The following PIK3C2A variants were observed in gnomAD, a reference collection of about 807,000 sequenced individuals.
PIK3C2A encodes the protein phosphatidylinositol-4-phosphate 3-kinase catalytic subunit type 2 alpha.
In PIK3C2A, 97 loss-of-function variants were observed where a neutral mutation model predicts 204.5. The observed-to-expected ratio is 0.47, with a 90% confidence interval of 0.40 to 0.56. The LOEUF (loss-of-function observed/expected upper bound fraction) is 0.56. Ranked by LOEUF, PIK3C2A falls within the 20% of genes least tolerant of loss-of-function variation. The pLI, the probability that PIK3C2A is intolerant of heterozygous loss-of-function variation, is 0.00. For synonymous variants in PIK3C2A, 653 were observed against 664.4 expected, an observed-to-expected ratio of 0.98 and a Z score of 0.26; for missense variants, 1,735 against 1,969.2, an observed-to-expected ratio of 0.88 and a Z score of 2.25.
chr11:17,091,721 T>C (rs1848316024), intron 30 of PIK3C2A, 65 bp from the exon 31 acceptor site: 1 of 1,104,742 alleles, frequency 9.1e-7, no homozygotes, highest in Admixed American at 2.2e-5. Context: ...AATAAAAGGA[T>C]TTTGCTTTAT....
chr11:17,138,298 C>T (rs1222592304), intron 8 of PIK3C2A: 1 of 615,856 alleles, frequency 1.6e-6, no homozygotes, highest in African/African-American at 1.9e-5. Flanking sequence ...TGCCAAATGC[C>T]CCGGAAGACG....
Position 17,147,587 on chromosome 11 carries a change from C to T in PIK3C2A, c.1490G>A (p.Arg497Gln), listed in dbSNP as rs1190208640. 3.7e-6 allele frequency: 6 copies of T among 1,611,000 alleles called. No individual in the cohort carries two copies. Among genetic ancestry groups the T allele is most frequent in the Middle Eastern group, 1.6e-4 (1 of 6,080 alleles). ...LGSHEHIQNC[R>Q]KWDTEIRLQL... ...TAGTCTAATTTCTGTGTCCCATTTT[C>T]GACAGTTTTGAATATGCTCATGACT... The change falls in exon 6 of 33, where the codon CGA (arginine) becomes CAA (glutamine). Residue 497 changes from arginine to glutamine, a missense_variant. Physicochemically the swap from Arg to Gln is conservative, Grantham distance 43. Coordinates refer to ENST00000691414, the MANE Select transcript of PIK3C2A (RefSeq NM_002645.4).
intron 1 of PIK3C2A, among the ~76,000 whole-genome samples, chr11:17,199,502 AAT>A (rs1479853624): frequency 6.6e-6 from 1 of 152,268 alleles, no homozygotes; most frequent in East Asian, 1.9e-4. Flanking sequence ...TGGTACATTA[AAT>A]ATGATTCAGC....
intron 6 of PIK3C2A, 141 bp downstream of exon 6, chr11:17,147,376 T>C (rs1329748995): frequency 5.1e-6 from 3 of 591,596 alleles, no homozygotes; most frequent in Non-Finnish European, 9.2e-6. Context: ...CCTCATTTGC[T>C]AAGAAGATTC....
At chr11:17,131,583 G>A (rs928729514) in intron 12 of PIK3C2A, among the ~76,000 whole-genome samples, 18 of 151,860 alleles carry the variant, frequency 1.2e-4, no homozygotes, top group African/African-American at 3.9e-4. Context: ...CACCACGCCC[G>A]GCTAATTTTT....
intron 2 of PIK3C2A, among the ~76,000 whole-genome samples, chr11:17,158,056 C>CAAT (rs1247561046): frequency 6.6e-6 from 1 of 151,386 alleles, no homozygotes; most frequent in Non-Finnish European, 1.5e-5. Flanking sequence ...TGTCAAAAAT[C>CAAT]TATTAATTTT....
chr11:17,109,995 G>A (rs530454854), intron 22 of PIK3C2A, among the ~76,000 whole-genome samples: 22 of 151,764 alleles, frequency 1.4e-4, no homozygotes, highest in African/African-American at 1.2e-4. Context: ...CTGTGTCACC[G>A]AGCCTAGAAT....
intron 1 of PIK3C2A, among the ~76,000 whole-genome samples, chr11:17,181,066 G>T (rs1330673245): frequency 6.6e-6 from 1 of 151,322 alleles, no homozygotes; most frequent in East Asian, 1.9e-4. Context: ...GATGCATAGG[G>T]CAAGGTATTA....
At chr11:17,188,492 T>C (rs1851832746) in intron 1 of PIK3C2A, among the ~76,000 whole-genome samples, 1 of 147,026 alleles carries the variant, frequency 6.8e-6, no homozygotes. Flanking sequence ...GTACTGTAGA[T>C]GGGGATAAGA....
chr11:17,168,272 A>C (rs1374044053), intron 2 of PIK3C2A, among the ~76,000 whole-genome samples: 1 of 152,224 alleles, frequency 6.6e-6, no homozygotes, highest in African/African-American at 2.4e-5. Context: ...TCAAAGTGAA[A>C]AATATTTTTT....
Position 17,105,295 on chromosome 11 carries a change from C to A in PIK3C2A, c.3555G>T (p.Glu1185Asp), listed in dbSNP as rs757259309. The A allele has an allele frequency of 4.3e-6, 7 of 1,609,226 alleles. No homozygotes were observed. The South Asian group carries it at 5.6e-5, about 13-fold the overall frequency. Reference protein sequence around the residue: ...LSTGRDRGMVELVPASDTLRK... With the variant: ...LSTGRDRGMVDLVPASDTLRK... ...TGAGGGTATCGGAAGCAGGAACCAG[C>A]TCCACCATGCCTTTAATGATAAAAT... Residue 1185 changes from glutamate (E) to aspartate (D), a missense_variant, in exon 23 of 33, where the codon GAG becomes GAT. Glu to Asp is a conservative substitution (Grantham distance 45). Around this residue, in one of 6 missense-constraint regions of PIK3C2A, gnomAD observed 503 missense variants for 669.0 expected, o/e 0.75. Transcript: ENST00000691414.
intron 15 of PIK3C2A, among the ~76,000 whole-genome samples, chr11:17,120,296 C>T (rs1200474018): frequency 3.3e-5 from 5 of 151,678 alleles, no homozygotes; most frequent in Non-Finnish European, 7.4e-5. Context: ...AGATCCCACC[C>T]TAAGAGATAG....
At chr11:17,155,375 G>T in intron 3 of PIK3C2A, 151 bp downstream of exon 3, 2 of 527,520 alleles carry the variant, frequency 3.8e-6, no homozygotes, top group Non-Finnish European at 3.4e-6. Flanking sequence ...TTCAACTGTG[G>T]TTTGTGATAA....
In PIK3C2A at chr11:17,147,609, G is replaced by A; in HGVS notation, c.1468C>T (p.His490Tyr). Residue 490 changes from histidine (H) to tyrosine (Y), a missense_variant, in exon 6 of 33, where the codon CAT becomes TAT. Transcript: ENST00000691414. ...TTTCGACAGTTTTGAATATGCTCAT[G>A]ACTTCCAAGGCAATGATTACTGTTA... ...VLQNNHCLGS[H>Y]EHIQNCRKWD... 1.3e-6 allele frequency: 2 copies of A among 1,581,626 alleles called. No individual in the cohort carries two copies. The highest frequency in any genetic ancestry group is 1.7e-4 in the Middle Eastern group (1 of 6,006).
At chr11:17,120,929 C>T in intron 15 of PIK3C2A, among the ~76,000 whole-genome samples, 1 of 152,124 alleles carries the variant, frequency 6.6e-6, no homozygotes, top group East Asian at 1.9e-4. Context: ...CCTGCCTCAG[C>T]CTCCCAAGTA....
chr11:17,163,255 G>A (rs1224334390), intron 2 of PIK3C2A, among the ~76,000 whole-genome samples: 1 of 152,078 alleles, frequency 6.6e-6, no homozygotes, highest in Non-Finnish European at 1.5e-5. Flanking sequence ...GCAGTGTGCC[G>A]AGATCACGCC....
At chr11:17,113,696 CACTT>C in intron 20 of PIK3C2A, among the ~76,000 whole-genome samples, 1 of 149,446 alleles carries the variant, frequency 6.7e-6, no homozygotes, top group East Asian at 2.0e-4. Context: ...GCAGGAGAAT[CACTT>C]GAACCTGGGA....
At chr11:17,126,322 C>T (rs899415444) in intron 13 of PIK3C2A, among the ~76,000 whole-genome samples, 1 of 150,986 alleles carries the variant, frequency 6.6e-6, no homozygotes, top group East Asian at 2.0e-4. Context: ...GATCGGATGG[C>T]GGGAAGATGG....
chr11:17,106,334 C>T (rs1848815895), intron 22 of PIK3C2A, among the ~76,000 whole-genome samples: 2 of 152,040 alleles, frequency 1.3e-5, no homozygotes. Context: ...ATTACTTGAA[C>T]CCAGGAGGCA....
Sources: allele counts gnomAD v4.1 joint callset (sites outside exome capture counted in the v4.1 genomes callset), GRCh38; gene constraint gnomAD v4.1.1; regional missense constraint gnomAD v4.1.1; transcripts MANE v1.5; gene names NCBI Gene and HGNC (gene_info 2026-07-23, HGNC 2026-07-21).